Variants in TTC16 observed in about 807,000 individuals in gnomAD.
TTC16 encodes tetratricopeptide repeat protein 16.
Under a neutral mutation model 80.4 loss-of-function variants are expected in TTC16, and 66 were observed. The observed-to-expected ratio is 0.82, with a 90% CI of 0.67 to 1.01. TTC16 has a LOEUF of 1.01. Among genes scored for constraint, TTC16 ranks in the 50% least tolerant of loss-of-function variants. TTC16 has a pLI of 0.00. For synonymous variants in TTC16, 438 were observed against 451.3 expected (o/e 0.97, Z 0.37); for missense variants, 1,070 against 1,103.2 (o/e 0.97, Z 0.43).
At chr9:127,720,811 CTTCTTTCTT>C (rs1278343291) in intron 6 of TTC16, among the ~76,000 whole-genome samples, 8 of 135,146 alleles carry the variant, frequency 5.9e-5, no homozygotes, top group African/African-American at 1.4e-4. Flanking sequence ...TTCCTCCCTC[CTTCTTTCTT>C]CCCTCCTGCC....
At chr9:127,727,766 T>G (rs1844100423) in intron 12 of TTC16, 1 of 313,996 alleles carries the variant, frequency 3.2e-6, no homozygotes. Flanking sequence ...GTGCCAGAAT[T>G]TTTTGTTTTT....
rs1294522646 is a variant in TTC16 at position 127,716,929 on chromosome 9, T to C, written c.104T>C (p.Ile35Thr). Residue 35 changes from isoleucine (I) to threonine (T), a missense_variant, in exon 2 of 14, where the codon ATC (isoleucine) becomes ACC (threonine). Coordinates refer to ENST00000373289, the MANE Select transcript of TTC16 (RefSeq NM_144965.3). ...IPAPKGILQH[I>T]FGTSHVFQSI... ...GCCCCCAAAGGGATCCTGCAGCACATCTTTGGGACCAGCCACGTGTTCCAA... is the reference window on the plus strand; with the variant it reads ...GCCCCCAAAGGGATCCTGCAGCACACCTTTGGGACCAGCCACGTGTTCCAA... The C allele has an allele frequency of 3.1e-6, 5 of 1,614,020 alleles. No individual in the cohort carries two copies. The highest frequency in any genetic ancestry group is 1.1e-5 in the South Asian group (1 of 91,082).
At position 127,720,366 on chromosome 9, in the gene TTC16, C is replaced by T. The variant is rs145869363; in HGVS notation, c.628C>T (p.Arg210Trp). The change falls in exon 6 of 14, where the codon CGG becomes TGG. Residue 210 changes from arginine to tryptophan, a missense_variant. Coordinates refer to ENST00000373289, the MANE Select transcript of TTC16 (RefSeq NM_144965.3). ...DTTNADVYIF[R>W]ARLYNFLQKP... ...CACCAACGCCGATGTCTACATCTTC[C>T]GGGCCAGACTCTACAACTTTCTCCA... The T allele has an allele frequency of 2.5e-5, 40 of 1,587,078 alleles. No individual in the cohort carries two copies. Among genetic ancestry groups the T allele is most frequent in the African/African-American group, 8.1e-5 (6 of 74,164 alleles).
At chr9:127,716,732 CTT>C in intron 1 of TTC16, 110 bp from the exon 2 acceptor site, 1 of 1,395,212 alleles carries the variant, frequency 7.2e-7, no homozygotes. Context: ...GGAGTGCCTC[CTT>C]CCAGGCCTCA....
At chr9:127,724,490 G>C in intron 8 of TTC16, 126 bp downstream of exon 8, 1 of 1,321,696 alleles carries the variant, frequency 7.6e-7, no homozygotes, top group Non-Finnish European at 1.0e-6. Context: ...AGCAAGGGAA[G>C]AGGAAATGTA....
At position 127,726,402 on chromosome 9, in the gene TTC16, A is replaced by G; in HGVS notation, c.1423A>G (p.Lys475Glu). 6.3e-7 allele frequency: 1 copy of G among 1,593,272 alleles called. No individual in the cohort carries two copies. Among genetic ancestry groups the G allele is most frequent in the Non-Finnish European group, 8.6e-7 (1 of 1,166,628 alleles). The change falls in exon 10 of 14, where the codon AAG (lysine) becomes GAG (glutamate). Residue 475 changes from lysine (K) to glutamate (E), a missense_variant and splice_region_variant. Physicochemically the swap from Lys to Glu is moderately conservative, Grantham distance 56 (BLOSUM62 1). Coordinates refer to ENST00000373289, the MANE Select transcript of TTC16 (RefSeq NM_144965.3). ...TVLLLNPKQP[K>E]LSLLMTNLFP... ...CCTGCTCCTCAACCCCAAGCAACCA[A>G]AGGTAGGTTCCTGCCACGTCAGGAG...
intron 4 of TTC16, among the ~76,000 whole-genome samples, chr9:127,719,274 C>T (rs905385097): frequency 1.3e-5 from 2 of 152,044 alleles, no homozygotes; most frequent in Non-Finnish European, 2.9e-5. Flanking sequence ...ATGTGTGAAT[C>T]TGTCTGTTGG....
intron 1 of TTC16, 140 bp from the exon 2 acceptor site, chr9:127,716,704 C>T: frequency 1.8e-6 from 2 of 1,140,268 alleles, no homozygotes; most frequent in Non-Finnish European, 2.4e-6. Flanking sequence ...GCTGGGAGCG[C>T]CACCGGAACC....
rs897553232 is a variant in TTC16 at position 127,724,298 on chromosome 9, G to A, written c.1051G>A (p.Val351Met). ...CAGGCAGGGCGCCTACCAGGAGGGC[G>A]TGCTGCTGCTGAACAAGGCCCTCCG... is the stretch of plus-strand genomic sequence containing the variant. ...CYRQGAYQEGVLLLNKALRDE... is the reference protein window; with the variant it reads ...CYRQGAYQEGMLLLNKALRDE... The change falls in exon 8 of 14, where the codon GTG (valine) becomes ATG (methionine). Residue 351 changes from valine (V) to methionine (M), a missense_variant. Coordinates refer to ENST00000373289, the MANE Select transcript of TTC16 (RefSeq NM_144965.3). 6.8e-6 allele frequency: 11 copies of A among 1,613,008 alleles called. No homozygotes were observed. The highest frequency in any genetic ancestry group is 2.2e-5 in the East Asian group (1 of 44,886).
At position 127,722,263 on chromosome 9, in the gene TTC16, G is replaced by T. The variant is rs115132160; in HGVS notation, c.658-856G>T. On this transcript the variant is annotated intron_variant, in intron 6 of 13. Transcript: ENST00000373289. This position sits in a 1 kb window ranked among gnomAD's most constrained non-coding sequence, Gnocchi z 4.2. ...CCACACCTGCTGTCCACACCATCCC[G>T]TTCACCTGCCAGCCAGTCACCCCGC... Among the ~76,000 whole-genome samples the T allele has an allele frequency of 4.1e-3, 625 of 152,204 alleles. 5 individuals are homozygous for T. Among genetic ancestry groups the T allele is most frequent in the African/African-American group, 0.014 (567 of 41,516 alleles).
intron 13 of TTC16, chr9:127,730,116 G>T: frequency 4.6e-6 from 1 of 217,814 alleles, no homozygotes; most frequent in Non-Finnish European, 9.3e-6. Context: ...AACTCCCCAA[G>T]TGCCCTGGGC....
Position 127,717,398 on chromosome 9 carries a change from C to CG in TTC16, c.257dup (p.Ala87ArgfsTer17). 1 of 1,613,372 alleles carries CG rather than the reference C, an allele frequency of 6.2e-7. No homozygotes were observed. The highest frequency in any genetic ancestry group is 8.5e-7 in the Non-Finnish European group (1 of 1,179,992). ...GGAGACAGCTGTGCTGCTCTTCTCC[C>CG]GCGCACTCCACCTGGACCCACAGCT... On this transcript the variant is annotated frameshift_variant, in exon 3 of 14. Transcript: ENST00000373289. LOFTEE classifies it high-confidence loss of function.
At chr9:127,728,768 A>G (rs1844169428) in intron 12 of TTC16, 1 of 152,230 alleles carries the variant, frequency 6.6e-6, no homozygotes. Flanking sequence ...ACTGCATTCC[A>G]GCCTAGGTGA....
chr9:127,716,940 A>G lies in TTC16; in HGVS notation c.115A>G (p.Ser39Gly). The G allele has an allele frequency of 6.2e-7, 1 of 1,614,148 alleles. No homozygotes were observed. The highest frequency in any genetic ancestry group is 8.5e-7 in the Non-Finnish European group (1 of 1,180,010). The change falls in exon 2 of 14, where the codon AGC becomes GGC. Residue 39 changes from serine to glycine, a missense_variant. Ser to Gly is a moderately conservative substitution (Grantham distance 56). Transcript: ENST00000373289. ...GATCCTGCAGCACATCTTTGGGACCAGCCACGTGTTCCAAAGCATCTGTGA... is the reference window on the plus strand; with the variant it reads ...GATCCTGCAGCACATCTTTGGGACCGGCCACGTGTTCCAAAGCATCTGTGA... ...KGILQHIFGT[S>G]HVFQSICDVK... is the part of the protein sequence containing the mutation.
At chr9:127,725,011 T>C (rs1337968152) in intron 9 of TTC16, 114 bp downstream of exon 9, 1 of 1,300,876 alleles carries the variant, frequency 7.7e-7, no homozygotes, top group African/African-American at 1.5e-5. Context: ...TCGGGGGCGA[T>C]GGCTCATCCC....
At position 127,731,373 on chromosome 9, in the gene TTC16, G is replaced by A; in HGVS notation, c.2590G>A (p.Asp864Asn). Residue 864 changes from aspartate (D) to asparagine (N), a missense_variant, in exon 14 of 14, where the codon GAT becomes AAT. Physicochemically the swap from Asp to Asn is conservative, Grantham distance 23. Transcript: ENST00000373289. ...CCCAAGTCTCAGCAAAACTGAGGTTGATCAGGACCTCACCTACTATGAAGC... is the reference window on the plus strand; with the variant it reads ...CCCAAGTCTCAGCAAAACTGAGGTTAATCAGGACCTCACCTACTATGAAGC... ...PSPSLSKTEV[D>N]QDLTYYEAV is the part of the protein sequence containing the mutation. The A allele has an allele frequency of 6.2e-7, 1 of 1,612,876 alleles. No individual in the cohort carries two copies.
intron 12 of TTC16, 195 bp from the exon 13 acceptor site, chr9:127,729,386 C>A (rs1369592023): frequency 3.5e-6 from 2 of 565,316 alleles, no homozygotes; most frequent in Non-Finnish European, 6.3e-6. Context: ...CGGCACCATG[C>A]CTGTCTAGCC....
chr9:127,729,755 T>C (rs547651043), intron 13 of TTC16, 87 bp downstream of exon 13: 1 of 1,313,772 alleles, frequency 7.6e-7, no homozygotes, highest in Non-Finnish European at 1.1e-6. Context: ...CTGGCCTAGG[T>C]GTGCGTTCGG....
chr9:127,722,733 A>T lies in TTC16; in HGVS notation c.658-386A>T, dbSNP rs1843603859. Among the ~76,000 whole-genome samples, 1 of 152,150 alleles carries T rather than the reference A, an allele frequency of 6.6e-6. No homozygotes were observed. The highest frequency in any genetic ancestry group is 1.5e-5 in the Non-Finnish European group (1 of 68,028). ...CACTTCGGGAGGCCAAGGTGGGCGGATCACCTAAGGTCAGGAGTTTGAGAC... is the reference window on the plus strand; with the variant it reads ...CACTTCGGGAGGCCAAGGTGGGCGGTTCACCTAAGGTCAGGAGTTTGAGAC... On this transcript the variant is annotated intron_variant, in intron 6 of 13. Transcript: ENST00000373289. The surrounding 1 kb of genome is among the most constrained non-coding windows in gnomAD (Gnocchi z 4.2).
Sources: gnomAD v4.1 joint callset for allele counts (sites outside exome capture counted in the v4.1 genomes callset) on GRCh38, gnomAD v4.1.1 for gene constraint, Gnocchi (gnomAD v3.1) non-coding constraint, MANE v1.5 for transcripts, NCBI Gene and HGNC (gene_info 2026-07-23, HGNC 2026-07-21) for gene names.